The following CSMD1 variants were observed in gnomAD, a reference collection of about 807,000 sequenced individuals.
CSMD1 encodes CUB and sushi domain-containing protein 1.
Under a neutral mutation model 417.5 loss-of-function variants are expected in CSMD1, and 213 were observed. The observed-to-expected ratio is 0.51, with a 90% confidence interval of 0.46 to 0.57. The LOEUF (loss-of-function observed/expected upper bound fraction) is 0.57. CSMD1 is among the 20% of genes least tolerant of loss of function. The probability of loss-of-function intolerance (pLI) is 0.00; values close to 1 mark genes in which losing one functional copy is unlikely to be tolerated. For missense variants in CSMD1, 6,923 were observed against 4,529.7 expected, an observed-to-expected ratio of 1.53 and a Z score of -15.17; for synonymous variants, 2,862 against 1,736.8, an observed-to-expected ratio of 1.65 and a Z score of -16.11.
At chr8:3,471,817 G>C (rs1399322661) in intron 11 of CSMD1, among the ~76,000 whole-genome samples, 4 of 152,152 alleles carry the variant, frequency 2.6e-5, no homozygotes, top group African/African-American at 7.2e-5. Context: ...AGAAGGAAGA[G>C]GAAAGTAAAC....
In CSMD1 at chr8:4,358,216, T is replaced by C. The variant is rs146472642; in HGVS notation, c.415+61737A>G. The stretch of plus-strand genomic sequence containing the variant: ...AATGTCTTCTGGGGTGTTATAATTT[T>C]ATGTACCAAATGAATGTCACTGTGG... On this transcript the variant is annotated intron_variant, in intron 3 of 69. Transcript: ENST00000635120. Among the ~76,000 whole-genome samples the C allele has an allele frequency of 3.0e-3, 463 of 152,350 alleles. 12 individuals carry two copies. In the East Asian group the frequency reaches 0.053, roughly 17 times the overall value.
In CSMD1 at chr8:3,875,319, T is replaced by A. The variant is rs999557766; in HGVS notation, c.819-121277A>T. Among the ~76,000 whole-genome samples the A allele has an allele frequency of 5.3e-5, 8 of 152,200 alleles. 1 individual carries two copies. Among genetic ancestry groups the A allele is most frequent in the Non-Finnish European group, 1.2e-4 (8 of 68,036 alleles). ...AGGATCCTAAACTCAAAGAATTTGC[T>A]GTTCTATTAGGTGAAGGAGAATTAG... On this transcript the variant is annotated intron_variant, in intron 5 of 69. Transcript: ENST00000635120.
intron 1 of CSMD1, among the ~76,000 whole-genome samples, chr8:4,836,930 G>A (rs745895802): frequency 6.6e-6 from 1 of 152,102 alleles, no homozygotes; most frequent in Non-Finnish European, 1.5e-5. Context: ...GTTCTAATGG[G>A]AAACCTCCAT....
chr8:3,765,540 G>T (rs541463714), intron 5 of CSMD1, among the ~76,000 whole-genome samples: 19 of 152,320 alleles, frequency 1.2e-4, no homozygotes, highest in African/African-American at 4.3e-4. Context: ...CTTCTTTGTA[G>T]TATTCTGTAT....
At chr8:4,646,661 G>A (rs1371548781) in intron 1 of CSMD1, among the ~76,000 whole-genome samples, 4 of 152,086 alleles carry the variant, frequency 2.6e-5, no homozygotes, top group Admixed American at 6.5e-5. Context: ...CGTCAACAAG[G>A]CATATTTTAA....
intron 1 of CSMD1, among the ~76,000 whole-genome samples, chr8:4,785,643 C>T (rs768699576): frequency 3.3e-5 from 5 of 152,114 alleles, no homozygotes; most frequent in Non-Finnish European, 5.9e-5. Context: ...CTCAGAGTCC[C>T]AGACTTTGCT....
intron 4 of CSMD1, among the ~76,000 whole-genome samples, chr8:4,023,829 G>A (rs1046615539): frequency 7.2e-6 from 1 of 139,054 alleles, no homozygotes; most frequent in Non-Finnish European, 1.5e-5. Context: ...ATGTTAGCCA[G>A]GATGGCCTCG....
intron 5 of CSMD1, among the ~76,000 whole-genome samples, chr8:3,805,579 C>T (rs1800685930): frequency 6.6e-6 from 1 of 152,134 alleles, no homozygotes. Flanking sequence ...CAGGTGAAAC[C>T]TTTCTGAATC....
At chr8:4,245,569 G>T (rs770938176) in intron 3 of CSMD1, among the ~76,000 whole-genome samples, 12 of 152,180 alleles carry the variant, frequency 7.9e-5, no homozygotes, top group South Asian at 6.2e-4. Flanking sequence ...TAGAGGAAAT[G>T]TGAGTTCACA....
intron 1 of CSMD1, among the ~76,000 whole-genome samples, chr8:4,671,925 G>C (rs1805355432): frequency 6.6e-6 from 1 of 152,236 alleles, no homozygotes; most frequent in East Asian, 1.9e-4. Context: ...CAGTGGAGTG[G>C]GTCAGCTTTC....
chr8:4,606,443 G>A, intron 2 of CSMD1, among the ~76,000 whole-genome samples: 1 of 152,092 alleles, frequency 6.6e-6, no homozygotes, highest in East Asian at 1.9e-4. Flanking sequence ...GCTAGTGGCT[G>A]TTCTTCCTGC....
intron 12 of CSMD1, among the ~76,000 whole-genome samples, chr8:3,421,701 A>G (rs144954509): frequency 0.013 from 2,035 of 152,250 alleles, 39 homozygotes; most frequent in Middle Eastern, 0.048. Context: ...GCACTGCTGT[A>G]ATCTTGGCTC....
intron 5 of CSMD1, among the ~76,000 whole-genome samples, chr8:3,928,571 T>A (rs1263981860): frequency 7.3e-6 from 1 of 136,534 alleles, no homozygotes; most frequent in Admixed American, 7.0e-5. Flanking sequence ...AGTTCAGATC[T>A]ACAAGTAGTT....
intron 3 of CSMD1, among the ~76,000 whole-genome samples, chr8:4,063,292 G>T (rs942404888): frequency 1.3e-5 from 2 of 151,138 alleles, no homozygotes; most frequent in Non-Finnish European, 3.0e-5. Context: ...AACCAAAAAA[G>T]AAAAATTAGT....
chr8:4,972,878 A>G (rs1303196113), intron 1 of CSMD1, among the ~76,000 whole-genome samples: 1 of 152,184 alleles, frequency 6.6e-6, no homozygotes, highest in Non-Finnish European at 1.5e-5. Flanking sequence ...TACCTGCTAA[A>G]TGAACATAGG....
At chr8:3,456,030 C>G (rs62505643) in intron 12 of CSMD1, among the ~76,000 whole-genome samples, 1 of 152,134 alleles carries the variant, frequency 6.6e-6, no homozygotes, top group Admixed American at 6.5e-5. Context: ...CTCCCCCAGC[C>G]TCGCCGCCGC....
At chr8:4,053,442 C>T (rs1031359042) in intron 3 of CSMD1, among the ~76,000 whole-genome samples, 1 of 151,952 alleles carries the variant, frequency 6.6e-6, no homozygotes, top group Non-Finnish European at 1.5e-5. Context: ...ATCATGGTCT[C>T]GGTGGGGAAC....
intron 3 of CSMD1, among the ~76,000 whole-genome samples, chr8:4,285,672 G>A (rs1164492961): frequency 1.3e-5 from 2 of 152,178 alleles, no homozygotes; most frequent in Admixed American, 6.5e-5. Flanking sequence ...GAATGGCAGT[G>A]GTGTAGGAAG....
chr8:3,704,594 T>C (rs1472617864), intron 7 of CSMD1: 6 of 152,198 alleles, frequency 3.9e-5, no homozygotes, highest in Non-Finnish European at 1.5e-5. Context: ...AGCAACCCAT[T>C]TGAGATCCCC....
Sources: gnomAD v4.1 joint callset for allele counts (sites outside exome capture counted in the v4.1 genomes callset) on GRCh38, gnomAD v4.1.1 for gene constraint, MANE v1.5 for transcripts, NCBI Gene and HGNC (gene_info 2026-07-23, HGNC 2026-07-21) for gene names.